Variants in RBFOX1 observed in about 807,000 individuals in gnomAD.
The protein encoded by RBFOX1 is RNA binding fox-1 homolog 1, also known as RNA binding protein fox-1 homolog 1.
A neutral mutation model predicts 57.7 loss-of-function variants in RBFOX1; 8 were observed. That is an observed-to-expected ratio of 0.14 (90% CI 0.08 to 0.25). RBFOX1 has a LOEUF of 0.25. Among genes scored for constraint, RBFOX1 ranks in the 10% least tolerant of loss-of-function variants. The pLI is 1.00. For missense variants in RBFOX1, 611 were observed against 548.5 expected, an observed-to-expected ratio of 1.11 and a Z score of -1.14; for synonymous variants, 326 against 222.4, an observed-to-expected ratio of 1.47 and a Z score of -4.15.
At chr16:5,898,454 G>C (rs1247469337) in intron 4 of RBFOX1, among the ~76,000 whole-genome samples, 1 of 151,694 alleles carries the variant, frequency 6.6e-6, no homozygotes, top group Non-Finnish European at 1.5e-5. Flanking sequence ...TCCTGGCCTA[G>C]AGAATAATCC....
chr16:6,602,466 C>T (rs146669817), intron 2 of RBFOX1, among the ~76,000 whole-genome samples: 1 of 152,060 alleles, frequency 6.6e-6, no homozygotes, highest in Non-Finnish European at 1.5e-5. Flanking sequence ...CTCATGACTC[C>T]AGCTGGAAGG....
chr16:5,798,446 G>A (rs2054949984), intron 3 of RBFOX1, among the ~76,000 whole-genome samples: 1 of 152,166 alleles, frequency 6.6e-6, no homozygotes, highest in Non-Finnish European at 1.5e-5. Flanking sequence ...CAGGTGGACT[G>A]GGAGGATATG....
At chr16:7,675,021 CCACA>C (rs936883494) in intron 13 of RBFOX1, among the ~76,000 whole-genome samples, 1 of 152,140 alleles carries the variant, frequency 6.6e-6, no homozygotes, top group African/African-American at 2.4e-5. Flanking sequence ...CACATTCATA[CCACA>C]CACATTCTCT....
At chr16:5,999,380 C>G (rs1238629726) in intron 4 of RBFOX1, among the ~76,000 whole-genome samples, 3 of 152,262 alleles carry the variant, frequency 2.0e-5, no homozygotes, top group African/African-American at 7.2e-5. Context: ...CAGACCGGGT[C>G]AAACTCTTCC....
intron 3 of RBFOX1, chr16:5,838,093 A>G (rs959167170): frequency 2.6e-5 from 4 of 153,268 alleles, no homozygotes; most frequent in African/African-American, 7.2e-5. Context: ...ATGGCAGAAG[A>G]TGATGCAAGG....
At chr16:5,401,340 G>A (rs1427608177) in intron 1 of RBFOX1, among the ~76,000 whole-genome samples, 1 of 152,090 alleles carries the variant, frequency 6.6e-6, no homozygotes, top group African/African-American at 2.4e-5. Context: ...TTCTTGGTTT[G>A]TGATGCCTCC....
chr16:6,836,827 A>G (rs1247447912), intron 3 of RBFOX1, among the ~76,000 whole-genome samples: 1 of 152,192 alleles, frequency 6.6e-6, no homozygotes, highest in Non-Finnish European at 1.5e-5. Flanking sequence ...AATCAAGTAA[A>G]TATTATGTGT....
At chr16:6,009,067 G>T (rs558832489) in intron 4 of RBFOX1, among the ~76,000 whole-genome samples, 10 of 151,480 alleles carry the variant, frequency 6.6e-5, no homozygotes, top group Non-Finnish European at 1.2e-4. Flanking sequence ...AAAATTCTAC[G>T]TGCTATCATA....
At chr16:5,720,539 T>C (rs1424036305) in intron 3 of RBFOX1, among the ~76,000 whole-genome samples, 5 of 152,358 alleles carry the variant, frequency 3.3e-5, no homozygotes, top group Admixed American at 2.0e-4. Flanking sequence ...GCTGTATTCC[T>C]ATGTCTTCTA....
At chr16:7,294,018 C>T (rs1447411121) in intron 4 of RBFOX1, among the ~76,000 whole-genome samples, 6 of 152,070 alleles carry the variant, frequency 3.9e-5, no homozygotes, top group African/African-American at 1.4e-4. Context: ...AATTTCTGAG[C>T]ATTTCTGGGG....
intron 1 of RBFOX1, among the ~76,000 whole-genome samples, chr16:5,434,943 C>A (rs1168385873): frequency 1.3e-5 from 2 of 152,182 alleles, no homozygotes; most frequent in Admixed American, 1.3e-4. Flanking sequence ...TTCCCTCCAT[C>A]TCTTTCCTCC....
At chr16:5,546,986 A>G (rs1384018237) in intron 2 of RBFOX1, among the ~76,000 whole-genome samples, 5 of 152,208 alleles carry the variant, frequency 3.3e-5, no homozygotes, top group African/African-American at 1.2e-4. Flanking sequence ...ATGGCAAATA[A>G]TCACATGAAA....
chr16:6,226,383 A>AAAC (rs1555563429), intron 1 of RBFOX1, among the ~76,000 whole-genome samples: 7 of 149,926 alleles, frequency 4.7e-5, no homozygotes, highest in South Asian at 2.1e-4. Context: ...CCAAAAAAAA[A>AAAC]AAAAAAAACA....
intron 4 of RBFOX1, among the ~76,000 whole-genome samples, chr16:7,385,931 T>TTTAG (rs2097869382): frequency 7.9e-6 from 1 of 126,418 alleles, no homozygotes; most frequent in African/African-American, 2.8e-5. Flanking sequence ...TATTTATTTA[T>TTTAG]TTATTTATTT....
chr16:7,543,707 GTGTGTGTGTGTGTTTAT>G (rs1291353787), intron 5 of RBFOX1, among the ~76,000 whole-genome samples: 3 of 102,390 alleles, frequency 2.9e-5, no homozygotes, highest in Non-Finnish European at 5.8e-5. Context: ...GTGTGTGTGT[GTGTGTGTGTGTGTTTAT>G]TTTTTATATA....
chr16:5,244,413 G>A (rs1287398594), intron 1 of RBFOX1, among the ~76,000 whole-genome samples: 1 of 152,162 alleles, frequency 6.6e-6, no homozygotes, highest in Non-Finnish European at 1.5e-5. Flanking sequence ...CAGGGTCCAG[G>A]ATTCCAGGAG....
At chr16:7,301,111 G>T (rs1039533141) in intron 4 of RBFOX1, among the ~76,000 whole-genome samples, 1 of 152,150 alleles carries the variant, frequency 6.6e-6, no homozygotes, top group Non-Finnish European at 1.5e-5. Flanking sequence ...ATCCCCAGAT[G>T]CGGTTTAAAA....
chr16:7,170,291 G>A (rs930540587), intron 4 of RBFOX1, among the ~76,000 whole-genome samples: 1 of 152,100 alleles, frequency 6.6e-6, no homozygotes, highest in African/African-American at 2.4e-5. Context: ...TCTGTTTTTA[G>A]AGATGGTGTC....
intron 3 of RBFOX1, among the ~76,000 whole-genome samples, chr16:5,675,450 G>A (rs1317119363): frequency 6.6e-6 from 1 of 152,136 alleles, no homozygotes; most frequent in Non-Finnish European, 1.5e-5. Context: ...GAACAATAGA[G>A]AACTCAGCTC....
Sources: allele counts gnomAD v4.1 joint callset (sites outside exome capture counted in the v4.1 genomes callset), GRCh38; gene constraint gnomAD v4.1.1; transcripts MANE v1.5; gene names NCBI Gene and HGNC (gene_info 2026-07-23, HGNC 2026-07-21).